ARID4B: variants seen among roughly 807,000 people sequenced by gnomAD.
ARID4B encodes the protein AT-rich interactive domain-containing protein 4B.
A neutral mutation model predicts 147.5 loss-of-function variants in ARID4B; 26 were observed. That is an observed-to-expected ratio of 0.18 (90% CI 0.13 to 0.24). The LOEUF is 0.24. Among genes scored for constraint, ARID4B ranks in the 10% least tolerant of loss-of-function variants. The probability of loss-of-function intolerance (pLI) is 1.00; values close to 1 mark genes in which losing one functional copy is unlikely to be tolerated. For missense variants in ARID4B, 1,179 were observed against 1,511.5 expected (o/e 0.78, Z 3.65); for synonymous variants, 512 against 507.9 (o/e 1.01, Z -0.11).
intron 16 of ARID4B, among the ~76,000 whole-genome samples, chr1:235,219,222 A>G (rs1311461026): frequency 2.0e-5 from 3 of 152,028 alleles, no homozygotes; most frequent in Non-Finnish European, 4.4e-5. Context: ...ACTAACAGAT[A>G]TGTTTATGTT....
rs113894806 is a variant in ARID4B, at chr1:235,213,966, C to T, written c.1644G>A (p.Glu548=). 185 of 1,478,328 alleles carry T rather than the reference C, an allele frequency of 1.3e-4. No homozygotes were observed. The African/African-American group carries it at 3.0e-3, about 24-fold the overall frequency. The allele number at this position is 1,478,328 out of a possible 1,614,324, so 91.6% of individuals were successfully genotyped here. A position where few individuals can be genotyped will look rare whatever the true frequency, so the allele number is the denominator to read the frequency against. ...DDEEAEEEEE[E]EEEEEDEDDD... is the part of the protein sequence containing the mutation. The stretch of plus-strand genomic sequence containing the variant: ...CATCTTCATCCTCTTCTTCTTCTTC[C>T]TCCTCCTCCTCCTCTTCTGCTTCTT... The change falls in exon 17 of 24, where the codon GAG becomes GAA. Residue 548 remains glutamate, a synonymous_variant. Transcript: ENST00000264183.
At chr1:235,171,353 A>G (rs1663346546) in intron 23 of ARID4B, among the ~76,000 whole-genome samples, 1 of 151,830 alleles carries the variant, frequency 6.6e-6, no homozygotes, top group Non-Finnish European at 1.5e-5. Context: ...TAATCGCTTG[A>G]ACTCAGGAGG....
intron 17 of ARID4B, among the ~76,000 whole-genome samples, chr1:235,207,131 A>C (rs1666359304): frequency 6.6e-6 from 1 of 152,238 alleles, no homozygotes; most frequent in African/African-American, 2.4e-5. Context: ...AGATCTTATG[A>C]AGTGTGTAGA....
At chr1:235,271,540 G>A (rs1295166649) in intron 2 of ARID4B, among the ~76,000 whole-genome samples, 3 of 151,914 alleles carry the variant, frequency 2.0e-5, no homozygotes, top group Non-Finnish European at 2.9e-5. Context: ...TGAGGCAGGA[G>A]TATCACTTGG....
At chr1:235,322,976 C>A (rs1674951006) in intron 2 of ARID4B, among the ~76,000 whole-genome samples, 1 of 151,330 alleles carries the variant, frequency 6.6e-6, no homozygotes, top group East Asian at 1.9e-4. Flanking sequence ...CTAAGCCAAT[C>A]ATTGTTGAAG....
intron 9 of ARID4B, among the ~76,000 whole-genome samples, chr1:235,233,310 A>C (rs935902305): frequency 6.6e-6 from 1 of 152,032 alleles, no homozygotes; most frequent in Admixed American, 6.5e-5. Flanking sequence ...AGCCAGGTGT[A>C]GTCCCAGCTA....
At chr1:235,223,687 T>G (rs1249644451) in intron 12 of ARID4B, among the ~76,000 whole-genome samples, 1 of 145,972 alleles carries the variant, frequency 6.9e-6, no homozygotes, top group Non-Finnish European at 1.5e-5. Flanking sequence ...AAAGCTACAT[T>G]TTTTTTTTTT....
intron 2 of ARID4B, among the ~76,000 whole-genome samples, chr1:235,310,813 G>A (rs1410842399): frequency 1.3e-5 from 2 of 152,118 alleles, no homozygotes; most frequent in Non-Finnish European, 2.9e-5. Context: ...TGGAAATACA[G>A]TCACAGGCCA....
intron 2 of ARID4B, among the ~76,000 whole-genome samples, chr1:235,275,466 G>A (rs1671261204): frequency 6.6e-6 from 1 of 152,156 alleles, no homozygotes; most frequent in African/African-American, 2.4e-5. Context: ...GGGAAAAAGT[G>A]CACATAAGAA....
chr1:235,284,336 A>G (rs1207459182), intron 2 of ARID4B, among the ~76,000 whole-genome samples: 1 of 152,198 alleles, frequency 6.6e-6, no homozygotes, highest in East Asian at 1.9e-4. Flanking sequence ...CTCCAGCCTC[A>G]GCGACAGAGC....
chr1:235,302,466 C>T (rs1295602222), intron 2 of ARID4B, among the ~76,000 whole-genome samples: 1 of 151,952 alleles, frequency 6.6e-6, no homozygotes, highest in Admixed American at 6.6e-5. Flanking sequence ...TGTAAAATAT[C>T]TCAATAATTT....
At position 235,326,957 on chromosome 1, in the gene ARID4B, G is replaced by A. The variant is rs371569449; in HGVS notation, c.-38C>T. The A allele has an allele frequency of 1.9e-6, 3 of 1,612,262 alleles. No homozygotes were observed. The highest frequency in any genetic ancestry group is 1.7e-5 in the Admixed American group (1 of 59,962). ...ACCAAGGTATCCTCTAAAACACCAG[G>A]TTCAGCTGCACCTGGAGGGGAAACA... is the stretch of plus-strand genomic sequence containing the variant. On this transcript the variant is annotated 5_prime_UTR_variant, in exon 2 of 24. Coordinates refer to ENST00000264183, the MANE Select transcript of ARID4B (RefSeq NM_016374.6).
At chr1:235,310,368 A>C (rs1673963217) in intron 2 of ARID4B, among the ~76,000 whole-genome samples, 1 of 152,230 alleles carries the variant, frequency 6.6e-6, no homozygotes, top group Non-Finnish European at 1.5e-5. Context: ...TATAATAACT[A>C]GTAGAGAGGC....
rs71172272 is a variant in ARID4B, at chr1:235,223,382, T to TATAC, written c.971-123_971-122insGTAT. ...ATATATATACACGTATATATATATATACACGTATATATATGTGTGTGTATA... is the reference window on the plus strand; with the variant it reads ...ATATATATACACGTATATATATATATATACACACGTATATATATGTGTGTGTATA... On this transcript the variant is annotated intron_variant, in intron 12 of 23. Transcript: ENST00000264183. 323 of 214,164 alleles carry TATAC rather than the reference T, an allele frequency of 1.5e-3. 6 individuals carry two copies. The highest frequency in any genetic ancestry group is 4.7e-3 in the South Asian group (34 of 7,186). The allele number at this position is 214,164 out of a possible 1,614,324, so 13.3% of individuals were successfully genotyped here.
chr1:235,313,295 G>A (rs1674199980), intron 2 of ARID4B, among the ~76,000 whole-genome samples: 1 of 152,058 alleles, frequency 6.6e-6, no homozygotes, highest in South Asian at 2.1e-4. Flanking sequence ...CGCCCAAAGT[G>A]CTAGGATTAC....
intron 11 of ARID4B, among the ~76,000 whole-genome samples, chr1:235,225,267 A>C (rs973692544): frequency 6.6e-6 from 1 of 152,212 alleles, no homozygotes; most frequent in African/African-American, 2.4e-5. Context: ...GCCCCACTGT[A>C]TATACTTCAA....
chr1:235,245,459 C>T (rs1007232150), intron 7 of ARID4B, among the ~76,000 whole-genome samples: 21 of 151,720 alleles, frequency 1.4e-4, no homozygotes, highest in East Asian at 9.7e-4. Context: ...TGTATAAAAT[C>T]GTAAAAATAT....
At chr1:235,174,211 T>C (rs1663684916) in intron 22 of ARID4B, among the ~76,000 whole-genome samples, 1 of 151,862 alleles carries the variant, frequency 6.6e-6, no homozygotes, top group African/African-American at 2.4e-5. Flanking sequence ...AGCTAATTTT[T>C]TGTTTTATTA....
chr1:235,185,634 C>T (rs563620570), intron 19 of ARID4B, among the ~76,000 whole-genome samples: 2 of 152,186 alleles, frequency 1.3e-5, no homozygotes, highest in Non-Finnish European at 2.9e-5. Context: ...TAAAAAGGTA[C>T]ATGGGATATA....
Sources: allele counts gnomAD v4.1 joint callset (sites outside exome capture counted in the v4.1 genomes callset), GRCh38; gene constraint gnomAD v4.1.1; transcripts MANE v1.5; gene names NCBI Gene and HGNC (gene_info 2026-07-23, HGNC 2026-07-21).